The following STMN2 variants were observed in gnomAD, a reference collection of about 807,000 sequenced individuals.
STMN2 encodes the protein stathmin 2.
STMN2 carries 2 observed loss-of-function variants against 24.1 expected under a neutral mutation model. That is an observed-to-expected ratio of 0.08 (90% CI 0.03 to 0.26). The LOEUF (loss-of-function observed/expected upper bound fraction) is 0.26, where lower values mean the gene tolerates loss of function less well. STMN2 is among the 10% of genes least tolerant of loss of function. The pLI, the probability that STMN2 is intolerant of heterozygous loss-of-function variation, is 1.00. For missense variants in STMN2, 114 were observed against 213.6 expected (o/e 0.53, Z 2.91); for synonymous variants, 83 against 77.5 (o/e 1.07, Z -0.37).
At chr8:79,637,488 C>A (rs1258776233) in intron 2 of STMN2, among the ~76,000 whole-genome samples, 3 of 152,164 alleles carry the variant, frequency 2.0e-5, no homozygotes, top group African/African-American at 7.2e-5. Flanking sequence ...TTGATTTATC[C>A]TGATTCATTT....
At chr8:79,649,564 A>G (rs1289438371) in intron 3 of STMN2, among the ~76,000 whole-genome samples, 1 of 152,202 alleles carries the variant, frequency 6.6e-6, no homozygotes, top group African/African-American at 2.4e-5. Context: ...AGTAAAGTCA[A>G]TAATTACAGA....
At chr8:79,618,873 C>T (rs1490364293) in intron 1 of STMN2, among the ~76,000 whole-genome samples, 1 of 152,152 alleles carries the variant, frequency 6.6e-6, no homozygotes, top group Non-Finnish European at 1.5e-5. Context: ...ACATATTATA[C>T]TATAAAACCA....
intron 1 of STMN2, 33 bp from the exon 2 acceptor site, chr8:79,636,769 T>G: frequency 1.9e-6 from 3 of 1,591,684 alleles, no homozygotes; most frequent in Non-Finnish European, 1.7e-6. Context: ...TCAGAAAAAA[T>G]GAAATATACT....
chr8:79,626,902 T>C (rs1809669939), intron 1 of STMN2, among the ~76,000 whole-genome samples: 1 of 152,118 alleles, frequency 6.6e-6, no homozygotes, highest in South Asian at 2.1e-4. Context: ...AATAACCTTG[T>C]CCTTGAAAAA....
chr8:79,648,660 G>T lies in STMN2; in HGVS notation c.289-6211G>T, dbSNP rs995521016. Reference sequence around the variant, plus strand: ...ATATTTTTAGTAGAGACAAGGTTTTGTCATGTTGGCCAGACTGGTCTCAAA... The same window carrying T: ...ATATTTTTAGTAGAGACAAGGTTTTTTCATGTTGGCCAGACTGGTCTCAAA... On this transcript the variant is annotated intron_variant, in intron 3 of 4. Transcript: ENST00000220876. Among the ~76,000 whole-genome samples, 5 of 151,822 alleles carry T rather than the reference G, an allele frequency of 3.3e-5. 1 individual carries two copies. The highest frequency in any genetic ancestry group is 2.6e-4 in the Admixed American group (4 of 15,236).
chr8:79,663,031 C>A lies in STMN2; in HGVS notation c.481-1784C>A, dbSNP rs138580923. On this transcript the variant is annotated intron_variant, in intron 4 of 4. Coordinates refer to ENST00000220876, the MANE Select transcript of STMN2 (RefSeq NM_007029.4). The stretch of plus-strand genomic sequence containing the variant: ...CAGGATTTGATTTCTCTATGCATGC[C>A]TCTTTCCTTCTCTTCATGGTTTTTG... Among the ~76,000 whole-genome samples, 734 of 152,172 alleles carry A rather than the reference C, an allele frequency of 4.8e-3. 5 individuals carry two copies. Among genetic ancestry groups the A allele is most frequent in the African/African-American group, 0.015 (618 of 41,546 alleles).
chr8:79,646,923 G>A (rs1321885785), intron 3 of STMN2, among the ~76,000 whole-genome samples: 1 of 152,182 alleles, frequency 6.6e-6, no homozygotes, highest in Non-Finnish European at 1.5e-5. Flanking sequence ...TTTCAGAGCA[G>A]TGGGTAGACT....
At chr8:79,624,453 C>CAAAAAAAAAAAAAAA (rs1011493193) in intron 1 of STMN2, among the ~76,000 whole-genome samples, 85 of 44,956 alleles carry the variant, frequency 1.9e-3, no homozygotes, top group Non-Finnish European at 2.6e-3. Flanking sequence ...GACTCCGTCT[C>CAAAAAAAAAAAAAAA]AAAAAAAAAA....
intron 3 of STMN2, among the ~76,000 whole-genome samples, chr8:79,654,505 G>C (rs148809429): frequency 9.9e-5 from 15 of 152,260 alleles, no homozygotes; most frequent in Middle Eastern, 3.4e-3. Context: ...GTCCTCAACT[G>C]TTTTCCTCAG....
chr8:79,622,791 C>T (rs1187005307), intron 1 of STMN2, among the ~76,000 whole-genome samples: 1 of 152,030 alleles, frequency 6.6e-6, no homozygotes, highest in East Asian at 1.9e-4. Context: ...TATTAAAATA[C>T]AAAAATCTAC....
At chr8:79,661,706 T>G (rs888371432) in intron 4 of STMN2, among the ~76,000 whole-genome samples, 3 of 152,086 alleles carry the variant, frequency 2.0e-5, no homozygotes, top group African/African-American at 7.2e-5. Context: ...GAACCTGGTC[T>G]TTAGGAAGAT....
At chr8:79,622,287 G>T (rs746589485) in intron 1 of STMN2, among the ~76,000 whole-genome samples, 26 of 152,062 alleles carry the variant, frequency 1.7e-4, no homozygotes, top group Non-Finnish European at 2.9e-5. Flanking sequence ...TAAGCATTTG[G>T]TCATCAAAAA....
intron 3 of STMN2, among the ~76,000 whole-genome samples, chr8:79,646,509 A>G (rs1319248710): frequency 1.3e-5 from 2 of 152,054 alleles, no homozygotes; most frequent in African/African-American, 2.4e-5. Flanking sequence ...GTAGCAAGGG[A>G]GTAGGGCGGG....
intron 3 of STMN2, among the ~76,000 whole-genome samples, chr8:79,645,068 T>C (rs1464173044): frequency 1.3e-5 from 2 of 152,018 alleles, no homozygotes; most frequent in East Asian, 3.9e-4. Flanking sequence ...GGCAGAAGAA[T>C]TGCTTGAACC....
intron 1 of STMN2, among the ~76,000 whole-genome samples, chr8:79,627,458 T>C (rs1809683460): frequency 6.6e-6 from 1 of 152,232 alleles, no homozygotes; most frequent in Non-Finnish European, 1.5e-5. Context: ...GTCCTTCTCA[T>C]GTCTTAAGAA....
At chr8:79,626,620 A>C (rs1356743899) in intron 1 of STMN2, among the ~76,000 whole-genome samples, 1 of 152,166 alleles carries the variant, frequency 6.6e-6, no homozygotes, top group Admixed American at 6.5e-5. Context: ...CTTGTTCTTC[A>C]TGGGGAAGCT....
chr8:79,631,374 T>C, intron 1 of STMN2: 1 of 941,892 alleles, frequency 1.1e-6, no homozygotes, highest in Non-Finnish European at 1.3e-6. Context: ...CTTTGGTTGG[T>C]CAAAATATTA....
At chr8:79,661,968 C>A (rs982256851) in intron 4 of STMN2, among the ~76,000 whole-genome samples, 3 of 152,036 alleles carry the variant, frequency 2.0e-5, no homozygotes, top group African/African-American at 7.2e-5. Context: ...GCTCATATGA[C>A]AGAATTCCAT....
At chr8:79,624,351 G>A (rs1809594737) in intron 1 of STMN2, among the ~76,000 whole-genome samples, 2 of 151,596 alleles carry the variant, frequency 1.3e-5, no homozygotes, top group Admixed American at 1.3e-4. Context: ...CTACTCGGGA[G>A]GCTGAGGCAG....
Sources: allele counts gnomAD v4.1 joint callset (sites outside exome capture counted in the v4.1 genomes callset), GRCh38; gene constraint gnomAD v4.1.1; transcripts MANE v1.5; gene names NCBI Gene and HGNC (gene_info 2026-07-23, HGNC 2026-07-21).